Variants in CDH23 observed in about 807,000 individuals in gnomAD.
The protein encoded by CDH23 is cadherin related 23, also known as cadherin-23.
A neutral mutation model predicts 317.1 loss-of-function variants in CDH23; 189 were observed. The ratio of observed to expected loss-of-function variants is 0.60; its 90% CI spans 0.53 to 0.67. CDH23 has a LOEUF of 0.67. CDH23 is among the 30% of genes least tolerant of loss of function. CDH23 has a pLI of 0.00. For synonymous variants in CDH23, 1,839 were observed against 1,876.8 expected (o/e 0.98, Z 0.52); for missense variants, 4,401 against 4,592.4 (o/e 0.96, Z 1.20).
chr10:71,567,632 C>T (rs1394821318), intron 7 of CDH23, among the ~76,000 whole-genome samples: 1 of 152,256 alleles, frequency 6.6e-6, no homozygotes, highest in Admixed American at 6.5e-5. Context: ...ACCACCATGC[C>T]CCATGGCTAG....
At chr10:71,523,024 C>A (rs761782766) in intron 6 of CDH23, among the ~76,000 whole-genome samples, 4 of 152,158 alleles carry the variant, frequency 2.6e-5, no homozygotes, top group Non-Finnish European at 5.9e-5. Context: ...AGCCCAAATG[C>A]ATTTAACCCT....
chr10:71,626,878 A>T (rs574719776), intron 11 of CDH23, among the ~76,000 whole-genome samples: 6 of 152,166 alleles, frequency 3.9e-5, no homozygotes, highest in Admixed American at 3.9e-4. Context: ...TTGTGATTTC[A>T]TCAATGAAGT....
intron 69 of CDH23, 136 bp from the exon 70 acceptor site, chr10:71,814,816 T>C: frequency 9.8e-7 from 1 of 1,023,228 alleles, no homozygotes; most frequent in Non-Finnish European, 1.4e-6. Context: ...GCAGGCAGTT[T>C]GAGAAACAGA....
chr10:71,623,090 C>T (rs1861545655), intron 11 of CDH23, among the ~76,000 whole-genome samples: 2 of 152,220 alleles, frequency 1.3e-5, no homozygotes, highest in Admixed American at 1.3e-4. Context: ...GTAGCCTCTG[C>T]CCTCCCAGAG....
Position 71,815,298 on chromosome 10 carries a change from G to A in CDH23, c.*20G>A. The A allele has an allele frequency of 6.5e-7, 1 of 1,540,696 alleles. No individual in the cohort carries two copies. The highest frequency in any genetic ancestry group is 8.8e-7 in the Non-Finnish European group (1 of 1,138,654). ...CTGTGACTAGACAGGGAAGCCTTGT[G>A]GGTGTGAGCAGCACCCATCCACCGT... On this transcript the variant is annotated 3_prime_UTR_variant, in exon 70 of 70. Coordinates refer to ENST00000224721, the MANE Select transcript of CDH23 (RefSeq NM_022124.6).
chr10:71,646,482 T>A lies in CDH23; in HGVS notation c.1314T>A (p.Pro438=). The A allele has an allele frequency of 6.2e-7, 1 of 1,613,950 alleles. No individual in the cohort carries two copies. The stretch of plus-strand genomic sequence containing the variant: ...AGCTCTTTGCCAATGAGAGTGTGCC[T>A]GACCATGTGGGCTATGCCAAGGTGA... ...DFDLFANESV[P]DHVGYAKVKI... The change falls in exon 14 of 70, where the codon CCT becomes CCA. Residue 438 remains proline (P), a synonymous_variant. Coordinates refer to ENST00000224721, the MANE Select transcript of CDH23 (RefSeq NM_022124.6).
intron 14 of CDH23, among the ~76,000 whole-genome samples, chr10:71,657,554 C>T (rs1334059859): frequency 6.6e-6 from 1 of 152,122 alleles, no homozygotes; most frequent in Non-Finnish European, 1.5e-5. Context: ...TAACAGGGCC[C>T]AAGAGGTAGG....
intron 3 of CDH23, among the ~76,000 whole-genome samples, chr10:71,507,303 G>A (rs928295804): frequency 5.9e-5 from 9 of 152,238 alleles, no homozygotes; most frequent in African/African-American, 2.2e-4. Flanking sequence ...GAGATTACCT[G>A]AGAGCAATGG....
At chr10:71,806,333 C>A (rs1841722102) in intron 57 of CDH23, 52 bp downstream of exon 57, 1 of 1,252,082 alleles carries the variant, frequency 8.0e-7, no homozygotes, top group South Asian at 1.3e-5. Flanking sequence ...GACTCACCTG[C>A]CTGCAAGCAC....
chr10:71,467,110 G>A (rs1428453623), intron 3 of CDH23, among the ~76,000 whole-genome samples: 2 of 152,142 alleles, frequency 1.3e-5, no homozygotes, highest in Non-Finnish European at 2.9e-5. Context: ...GCAAGGAGGG[G>A]CTGGGCACAA....
chr10:71,425,371 A>AGAAGGAAGGAAGGAAGGAAGGACG (rs1849022834), intron 1 of CDH23, among the ~76,000 whole-genome samples: 1 of 82,418 alleles, frequency 1.2e-5, no homozygotes, highest in African/African-American at 4.7e-5. Flanking sequence ...AAGAGAGAGG[A>AGAAGGAAGGAAGGAAGGAAGGACG]GAAGGAAGGA....
intron 28 of CDH23, chr10:71,716,063 C>A (rs1249520250): frequency 1.3e-6 from 2 of 1,513,210 alleles, no homozygotes; most frequent in South Asian, 2.5e-5. Flanking sequence ...GGAGCCCAGG[C>A]GCTTCCAGAG....
At chr10:71,436,179 G>T (rs145094426) in intron 1 of CDH23, among the ~76,000 whole-genome samples, 1 of 152,246 alleles carries the variant, frequency 6.6e-6, no homozygotes, top group Admixed American at 6.5e-5. Flanking sequence ...TGCTTTGGAG[G>T]CAGTCCCTGC....
chr10:71,600,811 C>T (rs946473629), intron 9 of CDH23, among the ~76,000 whole-genome samples: 15 of 152,136 alleles, frequency 9.9e-5, no homozygotes, highest in African/African-American at 3.1e-4. Context: ...CCACCATGCC[C>T]GGCAGACCAC....
intron 28 of CDH23, among the ~76,000 whole-genome samples, chr10:71,718,628 G>A (rs1337464495): frequency 6.6e-6 from 1 of 152,258 alleles, no homozygotes; most frequent in Non-Finnish European, 1.5e-5. Context: ...GCTTGGCCAG[G>A]AGTAAGAAAA....
chr10:71,694,776 G>A (rs1865316263), intron 21 of CDH23, among the ~76,000 whole-genome samples: 1 of 152,158 alleles, frequency 6.6e-6, no homozygotes, highest in Non-Finnish European at 1.5e-5. Flanking sequence ...CCCTCTGTGG[G>A]AGAGGAAGCG....
chr10:71,659,721 G>C (rs1665691), intron 14 of CDH23, among the ~76,000 whole-genome samples: 69,223 of 151,978 alleles, frequency 0.46, 15,973 homozygotes, highest in South Asian at 0.57. Context: ...AACCATGAAC[G>C]ACTAGATTGA....
chr10:71,805,737 C>A, intron 55 of CDH23, 69 bp from the exon 56 acceptor site: 1 of 1,448,884 alleles, frequency 6.9e-7, no homozygotes, highest in Non-Finnish European at 9.3e-7. Context: ...AGAGCAAGGG[C>A]TCCCTCAGGA....
At chr10:71,669,854 G>A (rs2132653199) in intron 14 of CDH23, among the ~76,000 whole-genome samples, 1 of 152,234 alleles carries the variant, frequency 6.6e-6, no homozygotes, top group African/African-American at 2.4e-5. Flanking sequence ...AATATTACTA[G>A]GCCGGGCAAG....
Sources: allele counts gnomAD v4.1 joint callset (sites outside exome capture counted in the v4.1 genomes callset), GRCh38; gene constraint gnomAD v4.1.1; transcripts MANE v1.5; gene names NCBI Gene and HGNC (gene_info 2026-07-23, HGNC 2026-07-21).